Variants in EXOC5 observed in about 807,000 individuals in gnomAD.
EXOC5 encodes SEC10-like 1.
In EXOC5, 17 loss-of-function variants were observed where a neutral mutation model predicts 90.8. That is an observed-to-expected ratio of 0.19 (90% CI 0.13 to 0.28). EXOC5 has a LOEUF of 0.28. EXOC5 is among the 10% of genes least tolerant of loss of function. The pLI, the probability that EXOC5 is intolerant of heterozygous loss-of-function variation, is 1.00. For missense variants in EXOC5, 569 were observed against 830.6 expected, an observed-to-expected ratio of 0.69 and a Z score of 3.87; for synonymous variants, 260 against 270.0, an observed-to-expected ratio of 0.96 and a Z score of 0.36.
chr14:57,234,491 A>G (rs571842785), intron 7 of EXOC5, among the ~76,000 whole-genome samples: 7 of 148,460 alleles, frequency 4.7e-5, no homozygotes, highest in Non-Finnish European at 1.0e-4. Context: ...ATTTATATAT[A>G]TTAAAGTGTG....
intron 1 of EXOC5, among the ~76,000 whole-genome samples, chr14:57,263,603 T>C (rs1264178083): frequency 6.8e-6 from 1 of 146,464 alleles, no homozygotes; most frequent in African/African-American, 2.5e-5. Flanking sequence ...CCATCTCTAC[T>C]AAAAATAAAA....
At chr14:57,223,390 ATT>A (rs1883212619) in intron 12 of EXOC5, among the ~76,000 whole-genome samples, 1 of 152,026 alleles carries the variant, frequency 6.6e-6, no homozygotes, top group South Asian at 2.1e-4. Flanking sequence ...GTTAATACTT[ATT>A]ATCTGATGTA....
intron 7 of EXOC5, among the ~76,000 whole-genome samples, chr14:57,234,282 A>G (rs181116475): frequency 1.3e-5 from 2 of 152,012 alleles, no homozygotes; most frequent in East Asian, 3.9e-4. Context: ...GACTAAAACA[A>G]GAAAGATGAA....
intron 12 of EXOC5, among the ~76,000 whole-genome samples, chr14:57,224,493 T>G (rs1883245286): frequency 6.6e-6 from 1 of 152,158 alleles, no homozygotes; most frequent in African/African-American, 2.4e-5. Flanking sequence ...CACAAATGCT[T>G]AAAACATACA....
intron 1 of EXOC5, among the ~76,000 whole-genome samples, chr14:57,248,371 G>A (rs983772942): frequency 6.6e-6 from 1 of 151,816 alleles, no homozygotes; most frequent in African/African-American, 2.4e-5. Flanking sequence ...TATTCACAAA[G>A]CCATAGTTGA....
chr14:57,211,337 C>T (rs1566724127), intron 15 of EXOC5, among the ~76,000 whole-genome samples: 1 of 152,174 alleles, frequency 6.6e-6, no homozygotes, highest in Non-Finnish European at 1.5e-5. Flanking sequence ...TCACTTCATC[C>T]AACTTACTGA....
chr14:57,226,201 A>G (rs1883303458), intron 12 of EXOC5, among the ~76,000 whole-genome samples: 1 of 152,210 alleles, frequency 6.6e-6, no homozygotes, highest in African/African-American at 2.4e-5. Context: ...GAGGCCCACA[A>G]GGAATTCCTA....
chr14:57,211,626 G>A (rs1309488338), intron 15 of EXOC5: 2 of 152,264 alleles, frequency 1.3e-5, no homozygotes, highest in Non-Finnish European at 2.9e-5. Context: ...TCAAGAAAGT[G>A]TTCTAAGAGG....
rs1419387824 is a variant in EXOC5, at chr14:57,244,240, A to G, written c.390T>C (p.Ala130=). 1.9e-6 allele frequency: 3 copies of G among 1,613,544 alleles called. No homozygotes were observed. The African/African-American group carries it at 4.0e-5, about 22-fold the overall frequency. The change falls in exon 4 of 18, where the codon GCT becomes GCC. Residue 130 remains alanine (A), a synonymous_variant. Transcript: ENST00000621441. ...VNTPRQRAVE[A]QKLMKYFNEF... is the part of the protein sequence containing the mutation. The stretch of plus-strand genomic sequence containing the variant: ...CATTAAAGTATTTCATCAATTTCTG[A>G]GCCTCCACTGCCCGTTGTCTGGGTG...
chr14:57,218,201 C>G, intron 14 of EXOC5, 133 bp from the exon 15 acceptor site: 1 of 480,864 alleles, frequency 2.1e-6, no homozygotes. Context: ...ATATTGTTAA[C>G]AAATCCAAGA....
chr14:57,251,388 T>G (rs1884188284), intron 1 of EXOC5, among the ~76,000 whole-genome samples: 1 of 152,188 alleles, frequency 6.6e-6, no homozygotes, highest in African/African-American at 2.4e-5. Context: ...CCTTCCCCAT[T>G]TTTGCAAGCT....
In EXOC5 at chr14:57,202,987, A is replaced by G. The variant is rs1882549369; in HGVS notation, c.*5622T>C. On this transcript the variant is annotated 3_prime_UTR_variant, in exon 18 of 18. Coordinates refer to ENST00000621441, the MANE Select transcript of EXOC5 (RefSeq NM_006544.4). ...AATATTTTCACATAACTTCATGTGA[A>G]TCCCCCATGTTATCCTCTAAATGGT... 2.6e-5 allele frequency: 4 copies of G among 152,196 alleles called. No individual in the cohort carries two copies. The highest frequency in any genetic ancestry group is 2.6e-4 in the Admixed American group (4 of 15,274). 9.4% of individuals were successfully genotyped at this position (152,196 alleles called of 1,614,324 possible). A position where few individuals can be genotyped will look rare whatever the true frequency, so the allele number is the denominator to read the frequency against.
chr14:57,267,382 GCTGA>G (rs1217001425), intron 1 of EXOC5, among the ~76,000 whole-genome samples: 2 of 152,032 alleles, frequency 1.3e-5, no homozygotes, highest in Non-Finnish European at 2.9e-5. Flanking sequence ...CTATCCAAAA[GCTGA>G]CTGATATGCA....
intron 12 of EXOC5, among the ~76,000 whole-genome samples, chr14:57,229,364 G>A (rs1372282686): frequency 6.6e-6 from 1 of 151,930 alleles, no homozygotes; most frequent in Non-Finnish European, 1.5e-5. Flanking sequence ...TGTAAGTTCT[G>A]TATCTGTGGG....
chr14:57,211,003 A>G (rs1355685679), intron 15 of EXOC5, among the ~76,000 whole-genome samples: 1 of 152,168 alleles, frequency 6.6e-6, no homozygotes, highest in Non-Finnish European at 1.5e-5. Context: ...TTGGATGAGG[A>G]GATATTCTGC....
rs1795789298 is a variant in EXOC5 at position 57,208,792 on chromosome 14, T to C, written c.1944A>G (p.Pro648=). Residue 648 remains proline, a synonymous_variant, in exon 18 of 18, where the codon CCA becomes CCG. Transcript: ENST00000621441. Reference sequence around the variant, plus strand: ...GAGTATCAAAAAGATGTAATACCATTGGAATCTGAATTGAGAGAAGAAAAA... The same window carrying C: ...GAGTATCAAAAAGATGTAATACCATCGGAATCTGAATTGAGAGAAGAAAAA... The part of the protein sequence containing the change: ...YRKCAKDFKI[P]MVLHLFDTLH... 7.0e-6 allele frequency: 11 copies of C among 1,571,164 alleles called. No homozygotes were observed. Among genetic ancestry groups the C allele is most frequent in the South Asian group, 1.1e-5 (1 of 88,440 alleles).
At chr14:57,240,580 C>G (rs553188177) in intron 4 of EXOC5, among the ~76,000 whole-genome samples, 1 of 151,852 alleles carries the variant, frequency 6.6e-6, no homozygotes, top group Non-Finnish European at 1.5e-5. Context: ...CCGAGCCCAG[C>G]CAGAAATGTG....
Position 57,235,811 on chromosome 14 carries a change from T to C in EXOC5, c.569A>G (p.His190Arg). 2 of 1,541,102 alleles carry C rather than the reference T, an allele frequency of 1.3e-6. No homozygotes were observed. Among genetic ancestry groups the C allele is most frequent in the South Asian group, 1.2e-5 (1 of 84,028 alleles). The change falls in exon 7 of 18, where the codon CAT (histidine) becomes CGT (arginine). Residue 190 changes from histidine (H) to arginine (R), a missense_variant. This residue lies in a region of EXOC5 where 97 missense variants were observed against 177.9 expected (regional missense o/e 0.55). Coordinates refer to ENST00000621441, the MANE Select transcript of EXOC5 (RefSeq NM_006544.4). ...EVKSKIASKY[H>R]DLECQLIQEF... is the part of the protein sequence containing the mutation. ...CTGAATCAGCTGGCATTCTAAATCA[T>C]GGTATTTACCTAAAAATAAAGTCAT...
chr14:57,202,341 G>C lies in EXOC5; in HGVS notation c.*6268C>G, dbSNP rs1394890721. The C allele has an allele frequency of 1.3e-5, 2 of 152,100 alleles. No individual in the cohort carries two copies. Among genetic ancestry groups the C allele is most frequent in the Non-Finnish European group, 2.9e-5 (2 of 68,016 alleles). The allele number at this position is 152,100 out of a possible 1,614,324, so 9.4% of individuals were successfully genotyped here. On this transcript the variant is annotated 3_prime_UTR_variant, in exon 18 of 18. Transcript: ENST00000621441. ...AATTAGGACAGCTAGTAAAATGATTGGTGTCTGAGGATTAGATAGTAGTAA... is the reference window on the plus strand; with the variant it reads ...AATTAGGACAGCTAGTAAAATGATTCGTGTCTGAGGATTAGATAGTAGTAA...
Sources: allele counts gnomAD v4.1 joint callset (sites outside exome capture counted in the v4.1 genomes callset), GRCh38; gene constraint gnomAD v4.1.1; regional missense constraint gnomAD v4.1.1; transcripts MANE v1.5; gene names NCBI Gene and HGNC (gene_info 2026-07-23, HGNC 2026-07-21).